The following SMC2 variants were observed in gnomAD, a reference collection of about 807,000 sequenced individuals.
The protein encoded by SMC2 is structural maintenance of chromosomes 2.
Under a neutral mutation model 142.6 loss-of-function variants are expected in SMC2, and 41 were observed. The observed-to-expected ratio is 0.29, with a 90% confidence interval of 0.22 to 0.37. The LOEUF (loss-of-function observed/expected upper bound fraction) is 0.37, where lower values mean the gene tolerates loss of function less well. Among genes scored for constraint, SMC2 ranks in the 10% least tolerant of loss-of-function variants. The pLI is 1.00. For missense variants in SMC2, 1,265 were observed against 1,373.7 expected (o/e 0.92, Z 1.25); for synonymous variants, 463 against 457.5 (o/e 1.01, Z -0.15).
At position 104,118,349 on chromosome 9, in the gene SMC2, T is replaced by G. The variant is rs1157344662; in HGVS notation, c.1970T>G (p.Phe657Cys). 6.2e-7 allele frequency: 1 copy of G among 1,613,616 alleles called. No individual in the cohort carries two copies. Residue 657 changes from phenylalanine (F) to cysteine (C), a missense_variant, in exon 15 of 25, where the codon TTT (phenylalanine) becomes TGT (cysteine). By Grantham distance (205) the Phe-to-Cys change is radical (BLOSUM62 -2). Coordinates refer to ENST00000374793, the MANE Select transcript of SMC2 (RefSeq NM_006444.3). Reference protein sequence around the residue: ...TRTVTLGGDVFDPHGTLSGGA... With the variant: ...TRTVTLGGDVCDPHGTLSGGA... ...ACTGTAACTCTCGGAGGTGATGTGT[T>G]TGATCCTCATGGGACATTGAGTGGA...
At position 104,102,544 on chromosome 9, in the gene SMC2, C is replaced by A; in HGVS notation, c.991C>A (p.Arg331Ser). 1 of 1,612,988 alleles carries A rather than the reference C, an allele frequency of 6.2e-7. No homozygotes were observed. The highest frequency in any genetic ancestry group is 8.5e-7 in the Non-Finnish European group (1 of 1,179,602). Residue 331 changes from arginine (R) to serine (S), a missense_variant, in exon 9 of 25, where the codon CGC (arginine) becomes AGC (serine). Coordinates refer to ENST00000374793, the MANE Select transcript of SMC2 (RefSeq NM_006444.3). ...AAATCTGGCATGTGAGGAAAGCAAA[C>A]GCAAAGAGCTGGAAAAAAATATGGT... ...KKNLACEESK[R>S]KELEKNMVED...
chr9:104,111,675 C>T lies in SMC2; in HGVS notation c.1115C>T (p.Ala372Val), dbSNP rs770178646. 1.9e-6 allele frequency: 3 copies of T among 1,613,972 alleles called. No individual in the cohort carries two copies. The Admixed American group carries it at 5.0e-5, about 27-fold the overall frequency. ...GAAGCAAGTAATAAAGATGCTGAAGCTCTGGCAGCTGCACAGCAGCACTTC... is the reference window on the plus strand; with the variant it reads ...GAAGCAAGTAATAAAGATGCTGAAGTTCTGGCAGCTGCACAGCAGCACTTC... ...LQEASNKDAE[A>V]LAAAQQHFNA... is the part of the protein sequence containing the mutation. The change falls in exon 10 of 25, where the codon GCT becomes GTT. Residue 372 changes from alanine (A) to valine (V), a missense_variant. Physicochemically the swap from Ala to Val is moderately conservative, Grantham distance 64. Transcript: ENST00000374793.
intron 16 of SMC2, among the ~76,000 whole-genome samples, chr9:104,121,716 G>A (rs879725966): frequency 4.6e-5 from 7 of 152,074 alleles, no homozygotes; most frequent in Non-Finnish European, 7.4e-5. Context: ...GACTTTTGAG[G>A]ACACTAAATA....
chr9:104,136,755 CTTT>C (rs755408895), intron 23 of SMC2, among the ~76,000 whole-genome samples: 11 of 119,812 alleles, frequency 9.2e-5, no homozygotes, highest in African/African-American at 1.3e-4. Context: ...CTGTTTTATT[CTTT>C]TTTTTTTTTT....
intron 14 of SMC2, 139 bp downstream of exon 14, chr9:104,116,458 A>G (rs948154007): frequency 3.0e-6 from 2 of 675,346 alleles, no homozygotes; most frequent in Non-Finnish European, 4.7e-6. Flanking sequence ...GGCTTGTGCA[A>G]TTAGATGATA....
In SMC2 at chr9:104,139,240, A is replaced by G. The variant is rs73665520; in HGVS notation, c.3519A>G (p.Gln1173=). Residue 1173 remains glutamine (Q), a synonymous_variant, in exon 25 of 25, where the codon CAA becomes CAG. Transcript: ENST00000374793. ...DGVSTVARFT[Q]CQNGKISKEA... is the part of the protein sequence containing the mutation. ...TTTCTACAGTAGCCAGATTTACTCA[A>G]TGTCAAAATGGAAAGATTTCAAAGG... 2.0e-3 allele frequency: 3,199 copies of G among 1,601,864 alleles called. 70 individuals are homozygous for G. In the African/African-American group the frequency reaches 0.036, roughly 18 times the overall value.
At chr9:104,123,708 C>G (rs1256493248) in intron 17 of SMC2, among the ~76,000 whole-genome samples, 2 of 152,086 alleles carry the variant, frequency 1.3e-5, no homozygotes, top group African/African-American at 4.8e-5. Context: ...GTCCTAATTT[C>G]CTGTAGGTTA....
chr9:104,138,261 G>C (rs1835764714), intron 24 of SMC2, 96 bp downstream of exon 24: 1 of 1,002,260 alleles, frequency 1.0e-6, no homozygotes, highest in Admixed American at 2.7e-5. Flanking sequence ...AAGATATTTA[G>C]GGTTGATAAA....
At chr9:104,121,481 G>A (rs1833732568) in intron 16 of SMC2, among the ~76,000 whole-genome samples, 1 of 151,708 alleles carries the variant, frequency 6.6e-6, no homozygotes. Context: ...TGGGGACAGA[G>A]TGAGACCCTT....
At chr9:104,117,726 T>C (rs1833284026) in intron 14 of SMC2, among the ~76,000 whole-genome samples, 1 of 152,164 alleles carries the variant, frequency 6.6e-6, no homozygotes, top group African/African-American at 2.4e-5. Context: ...ACCCAAAAAA[T>C]GCTCATTGGA....
At chr9:104,105,726 T>G (rs1587913932) in intron 9 of SMC2, among the ~76,000 whole-genome samples, 1 of 152,272 alleles carries the variant, frequency 6.6e-6, no homozygotes, top group East Asian at 1.9e-4. Flanking sequence ...AGCCAGGGGT[T>G]GGGGTCTGTT....
chr9:104,121,150 A>G (rs375429259), intron 16 of SMC2, among the ~76,000 whole-genome samples: 48 of 139,360 alleles, frequency 3.4e-4, no homozygotes, highest in African/African-American at 1.4e-3. Context: ...CCCCACTTGA[A>G]TTGAAAGCTT....
intron 21 of SMC2, 148 bp downstream of exon 21, chr9:104,129,993 A>AT (rs1003088692): frequency 7.8e-6 from 5 of 639,348 alleles, no homozygotes; most frequent in African/African-American, 5.5e-5. Context: ...TCTTTTCGTC[A>AT]TTTTTTTCTT....
chr9:104,127,869 A>G (rs965772258), intron 20 of SMC2, among the ~76,000 whole-genome samples: 1 of 152,168 alleles, frequency 6.6e-6, no homozygotes, highest in Non-Finnish European at 1.5e-5. Context: ...TATACAGGTA[A>G]TCTAAAAAAA....
upstream of SMC2, chr9:104,092,176 G>C (rs907483295): frequency 6.6e-6 from 1 of 152,092 alleles, no homozygotes; most frequent in Non-Finnish European, 1.5e-5. Context: ...CAATTCCTTA[G>C]TGCTTCTGGC....
At chr9:104,094,512 G>A (rs4742903) in intron 1 of SMC2, 35 bp downstream of exon 1, 3 of 381,972 alleles carry the variant, frequency 7.9e-6, no homozygotes, top group African/African-American at 6.3e-5. Flanking sequence ...CGGTTGGGCC[G>A]GGCCAGACTT....
chr9:104,120,122 C>T lies in SMC2; in HGVS notation c.2092C>T (p.Leu698=). 6.2e-7 allele frequency: 1 copy of T among 1,613,404 alleles called. No homozygotes were observed. The highest frequency in any genetic ancestry group is 1.1e-5 in the South Asian group (1 of 90,920). Residue 698 remains leucine, a synonymous_variant, in exon 16 of 25, where the codon CTA becomes TTA. Transcript: ENST00000374793. ...LRIKENELRA[L]EEELAGLKNT... ...AATCAAAGAGAATGAGCTGCGGGCT[C>T]TAGAAGAGGAATTAGCAGGTCTTAA...
intron 10 of SMC2, among the ~76,000 whole-genome samples, chr9:104,112,574 A>ATGAT (rs773381512): frequency 2.0e-5 from 3 of 152,180 alleles, no homozygotes; most frequent in Non-Finnish European, 2.9e-5. Flanking sequence ...GGCATGACAG[A>ATGAT]TGATAGTCAC....
chr9:104,123,207 A>T lies in SMC2; in HGVS notation c.2232A>T (p.Glu744Asp). ...GCTCATATCACAAGCAACAAGAAGA[A>T]TTAGATGCCCTTAAAAAAACCATTG... ...QQSSYHKQQE[E>D]LDALKKTIEE... The change falls in exon 17 of 25, where the codon GAA becomes GAT. Residue 744 changes from glutamate (E) to aspartate (D), a missense_variant. By Grantham distance (45) the Glu-to-Asp change is conservative (BLOSUM62 2). Around this residue, in one of 4 missense-constraint regions of SMC2, gnomAD observed 898 missense variants for 904.2 expected, o/e 0.99. Transcript: ENST00000374793. 1 of 1,612,710 alleles carries T rather than the reference A, an allele frequency of 6.2e-7. No individual in the cohort carries two copies. The highest frequency in any genetic ancestry group is 1.1e-5 in the South Asian group (1 of 90,906).
Sources: gnomAD v4.1 joint callset for allele counts (sites outside exome capture counted in the v4.1 genomes callset) on GRCh38, gnomAD v4.1.1 for gene constraint, gnomAD v4.1.1 regional missense constraint, MANE v1.5 for transcripts, NCBI Gene and HGNC (gene_info 2026-07-23, HGNC 2026-07-21) for gene names.